The following PHACTR1 variants were observed in gnomAD, a reference collection of about 807,000 sequenced individuals.
The protein encoded by PHACTR1 is RPEL repeat containing 1.
In PHACTR1, 16 loss-of-function variants were observed where a neutral mutation model predicts 69.2. That is an observed-to-expected ratio of 0.23 (90% CI 0.16 to 0.35). The LOEUF is 0.35. Among genes scored for constraint, PHACTR1 ranks in the 10% least tolerant of loss-of-function variants. The pLI, the probability that PHACTR1 is intolerant of heterozygous loss-of-function variation, is 1.00. For synonymous variants in PHACTR1, 312 were observed against 284.5 expected, an observed-to-expected ratio of 1.10 and a Z score of -0.97; for missense variants, 510 against 734.7, an observed-to-expected ratio of 0.69 and a Z score of 3.54.
At chr6:12,967,783 G>C (rs1275059681) in intron 4 of PHACTR1, among the ~76,000 whole-genome samples, 1 of 152,204 alleles carries the variant, frequency 6.6e-6, no homozygotes, top group Non-Finnish European at 1.5e-5. Context: ...TCCAAAGTGT[G>C]CTTTGCCAAA....
intron 8 of PHACTR1, among the ~76,000 whole-genome samples, chr6:13,222,602 T>C (rs1768854096): frequency 6.6e-6 from 1 of 152,218 alleles, no homozygotes; most frequent in Non-Finnish European, 1.5e-5. Context: ...TTGAAGAGAC[T>C]CACATGGTAC....
intron 4 of PHACTR1, among the ~76,000 whole-genome samples, chr6:12,890,734 T>A (rs1784094490): frequency 6.6e-6 from 1 of 152,214 alleles, no homozygotes; most frequent in Non-Finnish European, 1.5e-5. Flanking sequence ...GGGATATACA[T>A]GTGGATCACC....
intron 4 of PHACTR1, among the ~76,000 whole-genome samples, chr6:12,989,066 A>G (rs549973649): frequency 3.0e-4 from 46 of 152,320 alleles, no homozygotes; most frequent in African/African-American, 9.4e-4. Context: ...CTCAAGATGA[A>G]TATTTACCCT....
chr6:12,737,421 G>A (rs75784748), intron 3 of PHACTR1, among the ~76,000 whole-genome samples: 23 of 128,038 alleles, frequency 1.8e-4, no homozygotes, highest in African/African-American at 4.4e-4. Flanking sequence ...ACACACACAC[G>A]CATGCACACA....
At chr6:13,011,585 C>G (rs1053020163) in intron 4 of PHACTR1, among the ~76,000 whole-genome samples, 1 of 152,208 alleles carries the variant, frequency 6.6e-6, no homozygotes, top group Non-Finnish European at 1.5e-5. Flanking sequence ...TAGAAACATA[C>G]AGAGCCCTTT....
intron 6 of PHACTR1, among the ~76,000 whole-genome samples, chr6:13,181,061 T>G (rs577175043): frequency 6.6e-6 from 1 of 152,290 alleles, no homozygotes; most frequent in East Asian, 1.9e-4. Flanking sequence ...GATTTTTTTT[T>G]GGCATTCATT....
chr6:13,011,412 CAA>C (rs1426811458), intron 4 of PHACTR1, among the ~76,000 whole-genome samples: 1 of 152,220 alleles, frequency 6.6e-6, no homozygotes, highest in Non-Finnish European at 1.5e-5. Context: ...GATCCTCAAA[CAA>C]GAGAAATGAC....
intron 4 of PHACTR1, among the ~76,000 whole-genome samples, chr6:12,972,356 T>C (rs1335102884): frequency 6.6e-6 from 1 of 152,230 alleles, no homozygotes. Context: ...TGCCCAGCAT[T>C]AATTCCTACA....
At chr6:13,197,798 C>T (rs576430868) in intron 7 of PHACTR1, among the ~76,000 whole-genome samples, 1 of 152,300 alleles carries the variant, frequency 6.6e-6, no homozygotes, top group Admixed American at 6.5e-5. Context: ...CCAGCCCTCC[C>T]AGAGCAGTGC....
chr6:12,850,016 C>T (rs2127756882), intron 4 of PHACTR1, among the ~76,000 whole-genome samples: 1 of 152,302 alleles, frequency 6.6e-6, no homozygotes, highest in African/African-American at 2.4e-5. Flanking sequence ...CTTTTTCCTG[C>T]TCTGGCTTTG....
At chr6:12,904,163 A>G (rs1349140359) in intron 4 of PHACTR1, among the ~76,000 whole-genome samples, 2 of 152,230 alleles carry the variant, frequency 1.3e-5, no homozygotes, top group Non-Finnish European at 2.9e-5. Flanking sequence ...AAACATACAT[A>G]TGAATTAACA....
At chr6:13,223,025 T>C (rs1386272705) in intron 8 of PHACTR1, among the ~76,000 whole-genome samples, 2 of 152,252 alleles carry the variant, frequency 1.3e-5, no homozygotes, top group African/African-American at 4.8e-5. Flanking sequence ...AAAATATATG[T>C]ATTACAAATA....
intron 5 of PHACTR1, among the ~76,000 whole-genome samples, chr6:13,098,605 C>G (rs78726718): frequency 0.016 from 2,362 of 152,298 alleles, 53 homozygotes; most frequent in African/African-American, 0.051. Context: ...CTAAACTCAT[C>G]ATTCACCTCC....
At chr6:12,914,566 C>A (rs924661325) in intron 4 of PHACTR1, among the ~76,000 whole-genome samples, 1 of 152,140 alleles carries the variant, frequency 6.6e-6, no homozygotes, top group Non-Finnish European at 1.5e-5. Flanking sequence ...GGAGGTCCTA[C>A]ACACACCTTA....
chr6:12,753,441 T>G (rs1459881228), intron 4 of PHACTR1, among the ~76,000 whole-genome samples: 1 of 152,188 alleles, frequency 6.6e-6, no homozygotes, highest in Non-Finnish European at 1.5e-5. Flanking sequence ...ATTAAGCCCA[T>G]CTTATATTTC....
intron 8 of PHACTR1, among the ~76,000 whole-genome samples, chr6:13,208,797 C>G (rs752999217): frequency 6.6e-6 from 1 of 152,102 alleles, no homozygotes; most frequent in Non-Finnish European, 1.5e-5. Flanking sequence ...TGCTAACTGA[C>G]AAGTTTTATA....
chr6:13,138,172 G>A (rs921178138), intron 5 of PHACTR1, among the ~76,000 whole-genome samples: 4 of 152,152 alleles, frequency 2.6e-5, no homozygotes, highest in Non-Finnish European at 5.9e-5. Context: ...GAGGCCATCT[G>A]TGTGTGCTAA....
intron 4 of PHACTR1, among the ~76,000 whole-genome samples, chr6:12,851,638 A>G (rs1057246347): frequency 6.6e-6 from 1 of 152,148 alleles, no homozygotes; most frequent in African/African-American, 2.4e-5. Flanking sequence ...TTCTACTTTG[A>G]TTTCCCAAAT....
At chr6:13,116,457 C>T (rs1490599313) in intron 5 of PHACTR1, among the ~76,000 whole-genome samples, 1 of 152,184 alleles carries the variant, frequency 6.6e-6, no homozygotes, top group Admixed American at 6.5e-5. Context: ...ACTTACCATT[C>T]CCATGCATTA....
Sources: allele counts gnomAD v4.1 joint callset (sites outside exome capture counted in the v4.1 genomes callset), GRCh38; gene constraint gnomAD v4.1.1; transcripts MANE v1.5; gene names NCBI Gene and HGNC (gene_info 2026-07-23, HGNC 2026-07-21).